The following WDR41 variants were observed in gnomAD, a reference collection of about 807,000 sequenced individuals.
The protein encoded by WDR41 is WD repeat-containing protein 41.
In WDR41, 63 loss-of-function variants were observed where a neutral mutation model predicts 69.3. The ratio of observed to expected loss-of-function variants is 0.91; its 90% CI spans 0.74 to 1.12. The LOEUF (loss-of-function observed/expected upper bound fraction) is 1.12. WDR41 is among the 50% of genes most tolerant of loss of function. The probability of loss-of-function intolerance (pLI) is 0.00; values close to 1 mark genes in which losing one functional copy is unlikely to be tolerated. For missense variants in WDR41, 543 were observed against 534.5 expected (o/e 1.02, Z -0.16); for synonymous variants, 185 against 192.1 (o/e 0.96, Z 0.31).
chr5:77,436,351 G>T lies in WDR41; in HGVS notation c.1137C>A (p.Ala379=). The T allele has an allele frequency of 4.3e-6, 7 of 1,613,968 alleles. No homozygotes were observed. The highest frequency in any genetic ancestry group is 5.9e-6 in the Non-Finnish European group (7 of 1,179,950). Residue 379 remains alanine, a synonymous_variant, in exon 12 of 13, where the codon GCC becomes GCA. Coordinates refer to ENST00000296679, the MANE Select transcript of WDR41 (RefSeq NM_018268.4). ...MWGFGRVSKQ[A]SQPVKKQQEN... is the part of the protein sequence containing the mutation. Reference sequence around the variant, plus strand: ...CTTGCTGCTTTTTAACAGGTTGGCTGGCTTGTTTGCTGACTCTTCCAAATC... The same window carrying T: ...CTTGCTGCTTTTTAACAGGTTGGCTTGCTTGTTTGCTGACTCTTCCAAATC...
At chr5:77,440,214 C>T (rs776554932) in intron 9 of WDR41, among the ~76,000 whole-genome samples, 28 of 152,310 alleles carry the variant, frequency 1.8e-4, no homozygotes, top group Non-Finnish European at 3.5e-4. Context: ...CTTGTGATTA[C>T]ATTTAGAAAA....
chr5:77,464,274 C>CTTTTT lies in WDR41; in HGVS notation c.216+482_216+486dup, dbSNP rs71606297. Among the ~76,000 whole-genome samples, 851 of 94,164 alleles carry CTTTTT rather than the reference C, an allele frequency of 9.0e-3. 14 individuals are homozygous for CTTTTT. Among genetic ancestry groups the CTTTTT allele is most frequent in the Non-Finnish European group, 0.011 (575 of 50,972 alleles). 61.8% of individuals were successfully genotyped at this position (94,164 alleles called of 152,430 possible). ...TTGGCATTTGTTTCTTAGGAAAAAA[C>CTTTTT]TTTTTTTTTTTTTTTTTTTTTTTGA... On this transcript the variant is annotated intron_variant, in intron 3 of 12. Coordinates refer to ENST00000296679, the MANE Select transcript of WDR41 (RefSeq NM_018268.4).
chr5:77,549,346 C>G (rs1373415495), intron 1 of WDR41, among the ~76,000 whole-genome samples: 4 of 151,868 alleles, frequency 2.6e-5, no homozygotes, highest in African/African-American at 2.4e-5. Context: ...GATTATATAC[C>G]TAGAAAACCC....
chr5:77,521,637 T>A (rs1246233965), intron 1 of WDR41, among the ~76,000 whole-genome samples: 1 of 152,214 alleles, frequency 6.6e-6, no homozygotes, highest in African/African-American at 2.4e-5. Context: ...AAGTACTTGG[T>A]GGCAAAGCCT....
intron 2 of WDR41, among the ~76,000 whole-genome samples, chr5:77,473,175 C>G (rs1324243023): frequency 6.6e-6 from 1 of 152,086 alleles, no homozygotes; most frequent in Non-Finnish European, 1.5e-5. Context: ...ACAAACCTGA[C>G]AAAAACAAGA....
At chr5:77,527,373 C>CA (rs569814521) in intron 1 of WDR41, among the ~76,000 whole-genome samples, 7 of 151,338 alleles carry the variant, frequency 4.6e-5, no homozygotes, top group African/African-American at 1.7e-4. Context: ...ATATTTAAGG[C>CA]AAAAAAGCAA....
At chr5:77,544,129 A>C (rs528872761) in intron 1 of WDR41, among the ~76,000 whole-genome samples, 4 of 152,264 alleles carry the variant, frequency 2.6e-5, no homozygotes, top group Non-Finnish European at 4.4e-5. Context: ...GGCCACCACT[A>C]CAAGAACTGC....
At position 77,478,416 on chromosome 5, in the gene WDR41, A is replaced by C. The variant is rs545359858; in HGVS notation, c.167+11041T>G. ...AATATCCTTGATGAACACTGATGCA[A>C]AAATCCTCAATAAAATAATGGCAAA... On this transcript the variant is annotated intron_variant, in intron 2 of 12. Coordinates refer to ENST00000296679, the MANE Select transcript of WDR41 (RefSeq NM_018268.4). Among the ~76,000 whole-genome samples, 4 of 152,352 alleles carry C rather than the reference A, an allele frequency of 2.6e-5. No individual in the cohort carries two copies. In the South Asian group the frequency reaches 8.3e-4, roughly 32 times the overall value.
intron 5 of WDR41, among the ~76,000 whole-genome samples, chr5:77,455,976 C>CA (rs200446615): frequency 0.021 from 2,194 of 102,694 alleles, 24 homozygotes; most frequent in Middle Eastern, 0.052. Flanking sequence ...GTAAATTTCT[C>CA]AAAAAAAAAA....
chr5:77,552,267 C>T (rs573298780), intron 1 of WDR41, among the ~76,000 whole-genome samples: 3 of 151,978 alleles, frequency 2.0e-5, no homozygotes, highest in African/African-American at 7.2e-5. Flanking sequence ...CGGAAGCTGA[C>T]ATTAAAAACA....
chr5:77,469,307 G>A (rs187447800), intron 2 of WDR41, among the ~76,000 whole-genome samples: 52 of 152,206 alleles, frequency 3.4e-4, no homozygotes, highest in Non-Finnish European at 4.7e-4. Context: ...TGAGTTAATC[G>A]GTGCAGCACA....
intron 2 of WDR41, among the ~76,000 whole-genome samples, chr5:77,468,170 T>A (rs1800389883): frequency 6.6e-6 from 1 of 152,150 alleles, no homozygotes; most frequent in African/African-American, 2.4e-5. Flanking sequence ...GAATGTTTCA[T>A]CCTCTCATCC....
At chr5:77,435,156 A>C (rs1581686823) in intron 12 of WDR41, among the ~76,000 whole-genome samples, 1 of 152,214 alleles carries the variant, frequency 6.6e-6, no homozygotes, top group South Asian at 2.1e-4. Flanking sequence ...CACAAAGTTA[A>C]AAACTGAGCT....
chr5:77,437,019 G>A (rs1420629473), intron 11 of WDR41, among the ~76,000 whole-genome samples: 5 of 152,142 alleles, frequency 3.3e-5, no homozygotes, highest in Admixed American at 3.3e-4. Context: ...TACAAATTTT[G>A]TGTATCAGTC....
chr5:77,453,130 A>C (rs1228841821), intron 6 of WDR41, among the ~76,000 whole-genome samples: 1 of 152,180 alleles, frequency 6.6e-6, no homozygotes, highest in Admixed American at 6.5e-5. Flanking sequence ...AGCTCCTATT[A>C]GTAACTAAAT....
At chr5:77,574,722 G>C (rs2112279652) in intron 1 of WDR41, among the ~76,000 whole-genome samples, 1 of 152,270 alleles carries the variant, frequency 6.6e-6, no homozygotes, top group African/African-American at 2.4e-5. Context: ...TGAGAGTGCA[G>C]GCACTAATTA....
At chr5:77,508,840 A>G (rs140972910) in intron 1 of WDR41, among the ~76,000 whole-genome samples, 6 of 152,242 alleles carry the variant, frequency 3.9e-5, no homozygotes, top group Admixed American at 6.5e-5. Flanking sequence ...CACAGTGTGC[A>G]TCCTTAGGCA....
At chr5:77,491,533 G>C (rs1561203468) in intron 1 of WDR41, among the ~76,000 whole-genome samples, 1 of 152,086 alleles carries the variant, frequency 6.6e-6, no homozygotes, top group African/African-American at 2.4e-5. Flanking sequence ...CATTTCAAAT[G>C]TAAATTTCAT....
intron 1 of WDR41, among the ~76,000 whole-genome samples, chr5:77,618,136 C>T (rs146888935): frequency 0.023 from 3,527 of 152,274 alleles, 63 homozygotes; most frequent in Non-Finnish European, 0.035. Flanking sequence ...CAGATGTGAC[C>T]CGTTCCTGAG....
Sources: allele counts gnomAD v4.1 joint callset (sites outside exome capture counted in the v4.1 genomes callset), GRCh38; gene constraint gnomAD v4.1.1; transcripts MANE v1.5; gene names NCBI Gene and HGNC (gene_info 2026-07-23, HGNC 2026-07-21).